SLC35F3: variants seen among roughly 807,000 people sequenced by gnomAD.
The protein encoded by SLC35F3 is solute carrier family 35 member F3, also known as putative thiamine transporter SLC35F3.
A neutral mutation model predicts 49.9 loss-of-function variants in SLC35F3; 25 were observed. The observed-to-expected ratio is 0.50, with a 90% confidence interval of 0.37 to 0.70. SLC35F3 has a LOEUF of 0.70. Among genes scored for constraint, SLC35F3 ranks in the 30% least tolerant of loss-of-function variants. The pLI, the probability that SLC35F3 is intolerant of heterozygous loss-of-function variation, is 0.00. For missense variants in SLC35F3, 525 were observed against 639.8 expected, an observed-to-expected ratio of 0.82 and a Z score of 1.94; for synonymous variants, 275 against 265.4, an observed-to-expected ratio of 1.04 and a Z score of -0.35.
intron 3 of SLC35F3, among the ~76,000 whole-genome samples, chr1:234,279,604 G>A (rs567628618): frequency 3.5e-4 from 54 of 152,290 alleles, no homozygotes; most frequent in Admixed American, 1.3e-3. Context: ...CAGATGGTGG[G>A]AAGTGGAGAA....
intron 2 of SLC35F3, among the ~76,000 whole-genome samples, chr1:234,032,580 TC>T (rs1664080616): frequency 6.6e-6 from 1 of 152,184 alleles, no homozygotes; most frequent in South Asian, 2.1e-4. Context: ...ATAGATTAGC[TC>T]CCAATTACAA....
At chr1:234,101,995 T>A (rs1160916075) in intron 2 of SLC35F3, among the ~76,000 whole-genome samples, 2 of 152,230 alleles carry the variant, frequency 1.3e-5, no homozygotes, top group African/African-American at 4.8e-5. Context: ...GAGAACAATG[T>A]TCCTGACTCA....
chr1:234,284,130 C>T (rs1402732072), intron 3 of SLC35F3, among the ~76,000 whole-genome samples: 1 of 152,184 alleles, frequency 6.6e-6, no homozygotes, highest in Non-Finnish European at 1.5e-5. Context: ...GTCTTGAACT[C>T]CCGGGCTCAA....
chr1:234,015,283 G>T (rs1265284269), intron 2 of SLC35F3, among the ~76,000 whole-genome samples: 2 of 150,604 alleles, frequency 1.3e-5, no homozygotes, highest in African/African-American at 4.9e-5. Flanking sequence ...AGGAGGCGGA[G>T]TTTGCAGTGA....
rs1473487368 is a variant in SLC35F3 at position 234,295,676 on chromosome 1, A to G, written c.609-13425A>G. On this transcript the variant is annotated intron_variant, in intron 3 of 7. Coordinates refer to ENST00000366618, the MANE Select transcript of SLC35F3 (RefSeq NM_173508.4). Reference sequence around the variant, plus strand: ...AAATCTCAGCTGCTTTTCTTGTTAAACAATTATTTGAAAATTCTTTTTCAT... The same window carrying G: ...AAATCTCAGCTGCTTTTCTTGTTAAGCAATTATTTGAAAATTCTTTTTCAT... Among the ~76,000 whole-genome samples, 3 of 152,246 alleles carry G rather than the reference A, an allele frequency of 2.0e-5. No individual in the cohort carries two copies. The East Asian group carries it at 5.8e-4, about 29-fold the overall frequency.
chr1:234,323,057 C>T lies in SLC35F3; in HGVS notation c.1287C>T (p.Ile429=), dbSNP rs996838560. 3 of 1,614,118 alleles carry T rather than the reference C, an allele frequency of 1.9e-6. No individual in the cohort carries two copies. Among genetic ancestry groups the T allele is most frequent in the African/African-American group, 1.3e-5 (1 of 75,026 alleles). The stretch of plus-strand genomic sequence containing the variant: ...TCGTCTTCAATGGGGTCCGGGTCAT[C>T]GCCATCATCATCATCGGCCTGGGTT... ...SQIVFNGVRV[I]AIIIIGLGFL... The change falls in exon 8 of 8, where the codon ATC becomes ATT. Residue 429 remains isoleucine, a synonymous_variant. Transcript: ENST00000366618. The surrounding 1 kb of genome is among the most constrained non-coding windows in gnomAD (Gnocchi z 4.5).
At chr1:234,004,924 G>A (rs1025820629) in intron 2 of SLC35F3, among the ~76,000 whole-genome samples, 4 of 151,952 alleles carry the variant, frequency 2.6e-5, no homozygotes, top group African/African-American at 9.7e-5. Flanking sequence ...GCATTAAGAT[G>A]GAAATTCATT....
chr1:234,250,529 C>T (rs1363595224), intron 3 of SLC35F3, among the ~76,000 whole-genome samples: 1 of 151,214 alleles, frequency 6.6e-6, no homozygotes, highest in African/African-American at 2.4e-5. Context: ...TGGCGGGCGC[C>T]TGTAGTCCCA....
intron 2 of SLC35F3, among the ~76,000 whole-genome samples, chr1:234,000,298 T>G (rs924377434): frequency 6.6e-6 from 1 of 152,214 alleles, no homozygotes; most frequent in Non-Finnish European, 1.5e-5. Context: ...AAAGATGGAA[T>G]TTAACTCCTT....
intron 3 of SLC35F3, among the ~76,000 whole-genome samples, chr1:234,295,630 A>G (rs1421950661): frequency 1.3e-5 from 2 of 152,244 alleles, no homozygotes; most frequent in African/African-American, 4.8e-5. Context: ...GTGTGGGGGT[A>G]CAAAAGCAAG....
intron 2 of SLC35F3, among the ~76,000 whole-genome samples, chr1:234,088,447 A>G (rs1664991978): frequency 6.6e-6 from 1 of 152,142 alleles, no homozygotes; most frequent in South Asian, 2.1e-4. Flanking sequence ...ACCTCAGGTG[A>G]TCCACCCACC....
At chr1:234,143,278 C>CT (rs1394286794) in intron 2 of SLC35F3, among the ~76,000 whole-genome samples, 1,749 of 126,750 alleles carry the variant, frequency 0.014, 99 homozygotes, top group African/African-American at 0.054. Flanking sequence ...TGACTCTTTT[C>CT]TTTTCTTTTC....
At chr1:234,050,878 C>A (rs1664366464) in intron 2 of SLC35F3, among the ~76,000 whole-genome samples, 3 of 152,150 alleles carry the variant, frequency 2.0e-5, no homozygotes, top group Admixed American at 6.5e-5. Flanking sequence ...TTCCCAGCAC[C>A]ATTTATTAAA....
intron 3 of SLC35F3, among the ~76,000 whole-genome samples, chr1:234,284,706 C>T (rs1473488688): frequency 1.3e-5 from 2 of 152,146 alleles, no homozygotes; most frequent in Non-Finnish European, 2.9e-5. Flanking sequence ...AATGCCTGGC[C>T]CTTCCAAATG....
intron 3 of SLC35F3, among the ~76,000 whole-genome samples, chr1:234,234,382 G>A (rs1667430555): frequency 6.6e-6 from 1 of 152,160 alleles, no homozygotes; most frequent in African/African-American, 2.4e-5. Context: ...GGAGCCGAGA[G>A]AGGAAGGCAT....
chr1:234,148,201 C>T (rs921045496), intron 2 of SLC35F3, among the ~76,000 whole-genome samples: 19 of 152,160 alleles, frequency 1.2e-4, no homozygotes, highest in Non-Finnish European at 1.8e-4. Flanking sequence ...AGACATGAAG[C>T]GAAAAGGCAA....
Position 234,091,338 on chromosome 1 carries a change from C to T in SLC35F3, c.284-140079C>T, listed in dbSNP as rs186700790. Reference sequence around the variant, plus strand: ...TCCTTTAATGGACAAAAACCAAGGCCCTTTCTTCCTGTAGGTTTTCTCCTA... The same window carrying T: ...TCCTTTAATGGACAAAAACCAAGGCTCTTTCTTCCTGTAGGTTTTCTCCTA... On this transcript the variant is annotated intron_variant, in intron 2 of 7. Coordinates refer to ENST00000366618, the MANE Select transcript of SLC35F3 (RefSeq NM_173508.4). Among the ~76,000 whole-genome samples, 8 of 152,328 alleles carry T rather than the reference C, an allele frequency of 5.3e-5. No individual in the cohort carries two copies. In the East Asian group the frequency reaches 1.4e-3, roughly 26 times the overall value.
At chr1:234,135,339 A>G (rs1223982890) in intron 2 of SLC35F3, among the ~76,000 whole-genome samples, 2 of 152,214 alleles carry the variant, frequency 1.3e-5, no homozygotes, top group Non-Finnish European at 2.9e-5. Flanking sequence ...ATGTACCTGT[A>G]AGTATATGCA....
intron 3 of SLC35F3, among the ~76,000 whole-genome samples, chr1:234,282,683 C>G (rs925647136): frequency 6.6e-6 from 1 of 152,200 alleles, no homozygotes; most frequent in African/African-American, 2.4e-5. Flanking sequence ...TCTCTTTGCA[C>G]TCCCCATTCA....
Sources: gnomAD v4.1 joint callset for allele counts (sites outside exome capture counted in the v4.1 genomes callset) on GRCh38, gnomAD v4.1.1 for gene constraint, Gnocchi (gnomAD v3.1) non-coding constraint, MANE v1.5 for transcripts, NCBI Gene and HGNC (gene_info 2026-07-23, HGNC 2026-07-21) for gene names.